The following SEC14L3 variants were observed in gnomAD, a reference collection of about 807,000 sequenced individuals.
SEC14L3 encodes the protein SEC14 like lipid binding 3.
SEC14L3 carries 56 observed loss-of-function variants against 57.4 expected under a neutral mutation model. The observed-to-expected ratio is 0.97, with a 90% CI of 0.79 to 1.22. SEC14L3 has a LOEUF of 1.22. Among genes scored for constraint, SEC14L3 ranks in the 50% most tolerant of loss-of-function variants. The probability of loss-of-function intolerance (pLI) is 0.00; values close to 1 mark genes in which losing one functional copy is unlikely to be tolerated. For missense variants in SEC14L3, 485 were observed against 511.7 expected (o/e 0.95, Z 0.50); for synonymous variants, 173 against 194.4 (o/e 0.89, Z 0.92).
chr22:30,452,305 G>A (rs550497144), intron 12 of SEC14L3, among the ~76,000 whole-genome samples: 38 of 140,116 alleles, frequency 2.7e-4, no homozygotes, highest in Non-Finnish European at 3.9e-4. Flanking sequence ...CTGGAGTGCA[G>A]TGGTGCAAAC....
chr22:30,460,124 T>C lies in SEC14L3; in HGVS notation c.1100A>G (p.Asn367Ser). The change falls in exon 12 of 12, where the codon AAC (asparagine) becomes AGC (serine). Residue 367 changes from asparagine (N) to serine (S), a missense_variant. Transcript: ENST00000215812. ...EAGVYVLRFDNTYSFVHAKKV... is the reference protein window; with the variant it reads ...EAGVYVLRFDSTYSFVHAKKV... ...CTTGGCGTGGACAAAGCTATAGGTG[T>C]TGTCGAAGCGTAGGACATCTGGGGG... The C allele has an allele frequency of 2.5e-6, 4 of 1,613,866 alleles. No homozygotes were observed. The highest frequency in any genetic ancestry group is 1.7e-4 in the Middle Eastern group (1 of 6,060).
rs111915455 is a variant in SEC14L3, at chr22:30,464,726, C to A, written c.664+94G>T. Reference sequence around the variant, plus strand: ...GATTACATTCGTGAGCCACTGCACCCAACCTAATGTGTGGAGTTCTAGATG... The same window carrying A: ...GATTACATTCGTGAGCCACTGCACCAAACCTAATGTGTGGAGTTCTAGATG... On this transcript the variant is annotated intron_variant, in intron 8 of 11. Coordinates refer to ENST00000215812, the MANE Select transcript of SEC14L3 (RefSeq NM_174975.5). 7 of 1,177,390 alleles carry A rather than the reference C, an allele frequency of 5.9e-6. No homozygotes were observed. The African/African-American group carries it at 6.0e-5, about 10-fold the overall frequency. The allele number at this position is 1,177,390 out of a possible 1,614,324, so 72.9% of individuals were successfully genotyped here.
downstream of SEC14L3, among the ~76,000 whole-genome samples, chr22:30,457,219 C>A (rs1248296319): frequency 3.3e-5 from 5 of 152,096 alleles, no homozygotes; most frequent in Non-Finnish European, 5.9e-5. Flanking sequence ...GTGCTGCCAC[C>A]GTCTTCCAAG....
At position 30,464,574 on chromosome 22, in the gene SEC14L3, G is replaced by A. The variant is rs535907689; in HGVS notation, c.664+246C>T. 5.9e-5 allele frequency among the ~76,000 whole-genome samples: 9 copies of A among 152,228 alleles called. No individual in the cohort carries two copies. In the East Asian group the frequency reaches 1.7e-3, roughly 29 times the overall value. On this transcript the variant is annotated intron_variant, in intron 8 of 11. Transcript: ENST00000215812. ...GCCTCCTAAGTATCTGGAATTACAG[G>A]TGTGCACCACCACAACCAGCTAATT...
chr22:30,452,990 T>C (rs1935017535), intron 12 of SEC14L3, among the ~76,000 whole-genome samples: 1 of 152,164 alleles, frequency 6.6e-6, no homozygotes. Context: ...AATGTTGGGA[T>C]TACAAGTGTG....
At chr22:30,466,194 G>A in intron 7 of SEC14L3, 140 bp downstream of exon 7, 1 of 720,530 alleles carries the variant, frequency 1.4e-6, no homozygotes, top group East Asian at 2.7e-5. Flanking sequence ...CTTACTCTAT[G>A]CCAGGCATTC....
intron 11 of SEC14L3, among the ~76,000 whole-genome samples, chr22:30,460,758 G>C (rs1601815990): frequency 6.6e-6 from 1 of 151,868 alleles, no homozygotes; most frequent in Admixed American, 6.6e-5. Context: ...AACCCGGGAG[G>C]GGGAGGTTGC....
downstream of SEC14L3, among the ~76,000 whole-genome samples, chr22:30,457,686 C>CTT (rs61332192): frequency 8.2e-5 from 12 of 146,088 alleles, no homozygotes; most frequent in Non-Finnish European, 1.8e-4. Flanking sequence ...CCTGGCCATG[C>CTT]TTTTTTTTTT....
Position 30,460,138 on chromosome 22 carries a change from G to A in SEC14L3, c.1086C>T (p.Val362=). Residue 362 remains valine (V), a synonymous_variant, in exon 12 of 12, where the codon GTC becomes GTT. Transcript: ENST00000215812. ...NLTCSEAGVY[V]LRFDNTYSFV... ...AGCTATAGGTGTTGTCGAAGCGTAGGACATCTGGGGGACAGATGGAAAGAG... is the reference window on the plus strand; with the variant it reads ...AGCTATAGGTGTTGTCGAAGCGTAGAACATCTGGGGGACAGATGGAAAGAG... The A allele has an allele frequency of 6.2e-7, 1 of 1,613,836 alleles. No individual in the cohort carries two copies. The highest frequency in any genetic ancestry group is 8.5e-7 in the Non-Finnish European group (1 of 1,179,786).
At chr22:30,452,249 T>TC (rs1366650761) in intron 12 of SEC14L3, among the ~76,000 whole-genome samples, 3 of 132,438 alleles carry the variant, frequency 2.3e-5, no homozygotes, top group African/African-American at 9.6e-5. Flanking sequence ...TTTCTTTCTT[T>TC]TTTTTTTTTT....
intron 4 of SEC14L3, 146 bp from the exon 5 acceptor site, chr22:30,468,842 G>A (rs940232043): frequency 6.4e-7 from 1 of 1,559,724 alleles, no homozygotes; most frequent in African/African-American, 1.4e-5. Context: ...TGTCTCAGGT[G>A]AGAAAGCTGA....
At chr22:30,465,025 T>A in intron 7 of SEC14L3, 122 bp from the exon 8 acceptor site, 1 of 1,447,344 alleles carries the variant, frequency 6.9e-7, no homozygotes, top group Non-Finnish European at 9.3e-7. Flanking sequence ...CCAGTGTCTG[T>A]CCTGCACCCA....
rs747920798 is a variant in SEC14L3 at position 30,471,927 on chromosome 22, T to C, written c.32A>G (p.Lys11Arg). The change falls in exon 1 of 12, where the codon AAA (lysine) becomes AGA (arginine). Residue 11 changes from lysine to arginine, a missense_variant. Lys to Arg is a conservative substitution (Grantham distance 26). Coordinates refer to ENST00000215812, the MANE Select transcript of SEC14L3 (RefSeq NM_174975.5). Reference sequence around the variant, plus strand: ...CACCTTGGCCAGGGTCTCTGCCTGTTTGGGGCTCAGGTCTCCAACTCGGCC... The same window carrying C: ...CACCTTGGCCAGGGTCTCTGCCTGTCTGGGGCTCAGGTCTCCAACTCGGCC... MSGRVGDLSP[K>R]QAETLAKFRE... The C allele has an allele frequency of 7.4e-6, 12 of 1,612,108 alleles. No homozygotes were observed. The highest frequency in any genetic ancestry group is 1.3e-5 in the African/African-American group (1 of 74,838).
At chr22:30,456,079 G>A (rs9620990), downstream of SEC14L3, among the ~76,000 whole-genome samples, 62,252 of 151,888 alleles carry the variant, frequency 0.41, 14,524 homozygotes, top group African/African-American at 0.62. Flanking sequence ...AGGCCAAGGT[G>A]TGTGGATCAC....
exon 13 of SEC14L3, chr22:30,448,708 C>A (rs1290070598): frequency 7.9e-5 from 12 of 151,218 alleles, no homozygotes; most frequent in South Asian, 1.8e-4. Context: ...TCATCTCTAC[C>A]AAAAAAAAAA....
chr22:30,465,049 C>A (rs1935376666), intron 7 of SEC14L3, 146 bp from the exon 8 acceptor site: 1 of 1,256,138 alleles, frequency 8.0e-7, no homozygotes, highest in East Asian at 2.6e-5. Context: ...AACCATCCAA[C>A]CAACCAGTCA....
chr22:30,453,688 C>G (rs1437831774), intron 12 of SEC14L3, among the ~76,000 whole-genome samples: 4 of 152,212 alleles, frequency 2.6e-5, no homozygotes, highest in African/African-American at 9.6e-5. Context: ...GCTGGGATTA[C>G]AGGCGTGAGC....
chr22:30,450,637 G>GT (rs1291405337), intron 12 of SEC14L3, among the ~76,000 whole-genome samples: 1 of 152,080 alleles, frequency 6.6e-6, no homozygotes, highest in Non-Finnish European at 1.5e-5. Context: ...CCTCATACAA[G>GT]TAAGACCTCT....
rs775942356 is a variant in SEC14L3, at chr22:30,462,130, C to G, written c.727G>C (p.Gly243Arg). The G allele has an allele frequency of 3.5e-5, 56 of 1,614,030 alleles. No homozygotes were observed. The highest frequency in any genetic ancestry group is 4.6e-5 in the Non-Finnish European group (54 of 1,180,040). Residue 243 changes from glycine (G) to arginine (R), a missense_variant, in exon 9 of 12, where the codon GGC (glycine) becomes CGC (arginine). Coordinates refer to ENST00000215812, the MANE Select transcript of SEC14L3 (RefSeq NM_174975.5). Reference sequence around the variant, plus strand: ...TTCCCATCTGGGTCAGTCAGGGTGCCCCCAAACTGGGCAGGCAGTTCCTCA... The same window carrying G: ...TTCCCATCTGGGTCAGTCAGGGTGCGCCCAAACTGGGCAGGCAGTTCCTCA... ...SPEELPAQFG[G>R]TLTDPDGNPK...
Sources: gnomAD v4.1 joint callset for allele counts (sites outside exome capture counted in the v4.1 genomes callset) on GRCh38, gnomAD v4.1.1 for gene constraint, MANE v1.5 for transcripts, NCBI Gene and HGNC (gene_info 2026-07-23, HGNC 2026-07-21) for gene names.